The following PTPN2 variants were observed in gnomAD, a reference collection of about 807,000 sequenced individuals.
The protein encoded by PTPN2 is protein tyrosine phosphatase non-receptor type 2, also known as tyrosine-protein phosphatase non-receptor type 2.
In PTPN2, 19 loss-of-function variants were observed where a neutral mutation model predicts 57.3. That is an observed-to-expected ratio of 0.33 (90% CI 0.23 to 0.49). PTPN2 has a LOEUF of 0.49. Among genes scored for constraint, PTPN2 ranks in the 20% least tolerant of loss-of-function variants. The pLI is 0.99. For synonymous variants in PTPN2, 153 were observed against 164.9 expected (o/e 0.93, Z 0.55); for missense variants, 358 against 501.1 (o/e 0.71, Z 2.73).
chr18:12,838,424 C>T (rs1156903331), intron 2 of PTPN2, among the ~76,000 whole-genome samples: 1 of 152,192 alleles, frequency 6.6e-6, no homozygotes, highest in Non-Finnish European at 1.5e-5. Flanking sequence ...TATTTGATAC[C>T]TCACCCTCAG....
intron 1 of PTPN2, 184 bp downstream of exon 1, chr18:12,883,889 T>A (rs954593570): frequency 1.8e-4 from 83 of 471,182 alleles, no homozygotes; most frequent in South Asian, 2.5e-4. Context: ...TTTTTTTTTT[T>A]AAACCAAAAG....
At position 12,802,068 on chromosome 18, in the gene PTPN2, A is replaced by G. The variant is rs151327801; in HGVS notation, c.942T>C (p.Asn314=). The G allele has an allele frequency of 6.4e-5, 103 of 1,612,710 alleles. 1 individual carries two copies. In the African/African-American group the frequency reaches 1.0e-3, roughly 16 times the overall value. Reference sequence around the variant, plus strand: ...CTTCTTCTAGACCTATTCTGTTCCCATTGTATTTTTCAGTCATTATTTTGT... The same window carrying G: ...CTTCTTCTAGACCTATTCTGTTCCCGTTGTATTTTTCAGTCATTATTTTGT... ...SPNKIMTEKY[N]GNRIGLEEEK... The change falls in exon 8 of 9, where the codon AAT becomes AAC. Residue 314 remains asparagine, a synonymous_variant. Coordinates refer to ENST00000309660, the MANE Select transcript of PTPN2 (RefSeq NM_002828.4).
At chr18:12,832,336 C>T (rs563843150) in intron 3 of PTPN2, among the ~76,000 whole-genome samples, 1 of 152,206 alleles carries the variant, frequency 6.6e-6, no homozygotes, top group South Asian at 2.1e-4. Flanking sequence ...AGGTTGGTCT[C>T]GAACTCCTGA....
chr18:12,814,490 A>T (rs75586506), intron 6 of PTPN2, 135 bp from the exon 7 acceptor site: 1 of 712,400 alleles, frequency 1.4e-6, no homozygotes, highest in Admixed American at 3.2e-5. Context: ...CCCTCCAGCT[A>T]TAACTGTTAT....
intron 3 of PTPN2, among the ~76,000 whole-genome samples, chr18:12,834,848 T>A (rs938015820): frequency 6.6e-6 from 1 of 152,172 alleles, no homozygotes; most frequent in Admixed American, 6.5e-5. Context: ...ATAAGGGATC[T>A]AGGGTGGTAA....
At chr18:12,810,031 A>C (rs1024502664) in intron 7 of PTPN2, among the ~76,000 whole-genome samples, 9 of 151,946 alleles carry the variant, frequency 5.9e-5, no homozygotes, top group Non-Finnish European at 1.2e-4. Flanking sequence ...AAAATACAAA[A>C]ATTAGCTGGG....
chr18:12,883,419 C>A (rs1261438468), intron 1 of PTPN2, among the ~76,000 whole-genome samples: 1 of 152,196 alleles, frequency 6.6e-6, no homozygotes, highest in Non-Finnish European at 1.5e-5. Context: ...CTGCCCTCGC[C>A]AGAGGCCACG....
intron 1 of PTPN2, among the ~76,000 whole-genome samples, chr18:12,874,897 G>A (rs1440456563): frequency 6.6e-6 from 1 of 152,178 alleles, no homozygotes; most frequent in Non-Finnish European, 1.5e-5. Flanking sequence ...TTGAGAAATC[G>A]GATGGTTGCC....
intron 6 of PTPN2, 52 bp downstream of exon 6, chr18:12,817,104 A>AT: frequency 1.3e-6 from 2 of 1,530,646 alleles, no homozygotes; most frequent in Non-Finnish European, 1.8e-6. Context: ...AGTGGAAGCA[A>AT]TTTAAAAAAA....
At chr18:12,822,376 A>G (rs1470193218) in intron 5 of PTPN2, among the ~76,000 whole-genome samples, 1 of 152,194 alleles carries the variant, frequency 6.6e-6, no homozygotes, top group Admixed American at 6.5e-5. Flanking sequence ...GGCAACTAAA[A>G]AGAAAAAACT....
chr18:12,836,939 T>C (rs775829510), intron 2 of PTPN2, 48 bp from the exon 3 acceptor site: 16 of 1,133,264 alleles, frequency 1.4e-5, no homozygotes, highest in Middle Eastern at 2.3e-4. Flanking sequence ...AAAATTACTG[T>C]TTTTATCTTC....
chr18:12,817,779 C>A (rs959383419), intron 5 of PTPN2, among the ~76,000 whole-genome samples: 1 of 152,208 alleles, frequency 6.6e-6, no homozygotes, highest in Admixed American at 6.5e-5. Context: ...AGCTACTAAT[C>A]TGTTACCATA....
At chr18:12,837,066 A>T (rs1414093483) in intron 2 of PTPN2, among the ~76,000 whole-genome samples, 175 bp from the exon 3 acceptor site, 1 of 152,230 alleles carries the variant, frequency 6.6e-6, no homozygotes, top group Admixed American at 6.5e-5. Flanking sequence ...AAGGAGTATA[A>T]AATGCAATCT....
intron 1 of PTPN2, among the ~76,000 whole-genome samples, chr18:12,870,284 CATAT>C (rs1167445111): frequency 1.4e-4 from 9 of 63,600 alleles, no homozygotes; most frequent in Admixed American, 4.7e-4. Context: ...TATATATATA[CATAT>C]ACATATATAT....
chr18:12,841,390 G>A (rs112977070), intron 2 of PTPN2, among the ~76,000 whole-genome samples: 140 of 152,310 alleles, frequency 9.2e-4, no homozygotes, highest in Middle Eastern at 3.4e-3. Flanking sequence ...AAACACATTT[G>A]ATTTTCATGA....
intron 8 of PTPN2, among the ~76,000 whole-genome samples, chr18:12,797,917 G>A (rs1013421883): frequency 2.6e-5 from 4 of 152,148 alleles, no homozygotes; most frequent in Non-Finnish European, 4.4e-5. Context: ...TGTAGAGACA[G>A]GGTTTGCCAT....
At chr18:12,874,407 T>C (rs1461383439) in intron 1 of PTPN2, among the ~76,000 whole-genome samples, 1 of 121,762 alleles carries the variant, frequency 8.2e-6, no homozygotes, top group Non-Finnish European at 1.7e-5. Flanking sequence ...GGGAGGGAGG[T>C]GGGGGGATCA....
chr18:12,794,156 G>A lies in PTPN2; in HGVS notation c.*122C>T. The A allele has an allele frequency of 6.7e-7, 1 of 1,498,144 alleles. No homozygotes were observed. Among genetic ancestry groups the A allele is most frequent in the South Asian group, 1.4e-5 (1 of 72,182 alleles). The allele number at this position is 1,498,144 out of a possible 1,614,324, so 92.8% of individuals were successfully genotyped here. A position where few individuals can be genotyped will look rare whatever the true frequency, so the allele number is the denominator to read the frequency against. ...TTGTGACTGTAAATATCACTTATCT[G>A]GTTGATGTCTATTCTACTGCACCGT... On this transcript the variant is annotated 3_prime_UTR_variant, in exon 9 of 9. Coordinates refer to ENST00000309660, the MANE Select transcript of PTPN2 (RefSeq NM_002828.4).
chr18:12,787,748 A>G (rs2040878072), downstream of PTPN2: 1 of 152,226 alleles, frequency 6.6e-6, no homozygotes. Flanking sequence ...ATTCACTTGA[A>G]TCAATTTTTG....
Sources: allele counts gnomAD v4.1 joint callset (sites outside exome capture counted in the v4.1 genomes callset), GRCh38; gene constraint gnomAD v4.1.1; transcripts MANE v1.5; gene names NCBI Gene and HGNC (gene_info 2026-07-23, HGNC 2026-07-21).